The following FBXL7 variants were observed in gnomAD, a reference collection of about 807,000 sequenced individuals.
FBXL7 encodes F-box/LRR-repeat protein 7.
Under a neutral mutation model 38.3 loss-of-function variants are expected in FBXL7, and 12 were observed. The observed-to-expected ratio is 0.31, with a 90% CI of 0.20 to 0.51. The LOEUF is 0.51. FBXL7 is among the 20% of genes least tolerant of loss of function. The pLI, the probability that FBXL7 is intolerant of heterozygous loss-of-function variation, is 0.98. For missense variants in FBXL7, 567 were observed against 676.4 expected, an observed-to-expected ratio of 0.84 and a Z score of 1.79; for synonymous variants, 297 against 300.9, an observed-to-expected ratio of 0.99 and a Z score of 0.13.
intron 1 of FBXL7, among the ~76,000 whole-genome samples, chr5:15,509,001 C>A (rs1163661603): frequency 6.6e-6 from 1 of 152,176 alleles, no homozygotes; most frequent in African/African-American, 2.4e-5. Context: ...ACACGTAGAT[C>A]TACTAAACTT....
intron 3 of FBXL7, among the ~76,000 whole-genome samples, chr5:15,929,192 A>G (rs1237729244): frequency 1.3e-5 from 2 of 152,194 alleles, no homozygotes; most frequent in East Asian, 3.9e-4. Context: ...ATCACTTGCC[A>G]TTTTGTAGTG....
intron 2 of FBXL7, among the ~76,000 whole-genome samples, chr5:15,822,850 A>G (rs1484200329): frequency 6.6e-6 from 1 of 152,144 alleles, no homozygotes; most frequent in Non-Finnish European, 1.5e-5. Context: ...TAAATCACCT[A>G]GAAGGCTTGT....
intron 2 of FBXL7, among the ~76,000 whole-genome samples, chr5:15,622,670 A>G (rs1740693791): frequency 6.6e-6 from 1 of 152,126 alleles, no homozygotes; most frequent in Admixed American, 6.6e-5. Flanking sequence ...ATTTTTATAA[A>G]TACCTGTAGC....
intron 1 of FBXL7, among the ~76,000 whole-genome samples, chr5:15,596,070 A>G (rs1739617774): frequency 6.6e-6 from 1 of 152,212 alleles, no homozygotes; most frequent in Non-Finnish European, 1.5e-5. Context: ...ATGGAGACTT[A>G]CAGATATTAA....
chr5:15,865,474 T>C (rs914587238), intron 2 of FBXL7, among the ~76,000 whole-genome samples: 15 of 152,214 alleles, frequency 9.9e-5, no homozygotes, highest in South Asian at 2.1e-4. Context: ...AAGATACTTC[T>C]ATAACTTAGA....
intron 2 of FBXL7, among the ~76,000 whole-genome samples, chr5:15,773,764 G>C (rs1259316211): frequency 6.6e-6 from 1 of 152,052 alleles, no homozygotes; most frequent in Non-Finnish European, 1.5e-5. Context: ...CGTAGGGAGG[G>C]GGCATATAAA....
intron 2 of FBXL7, among the ~76,000 whole-genome samples, chr5:15,916,673 A>G (rs925454596): frequency 1.1e-4 from 16 of 152,234 alleles, no homozygotes; most frequent in Non-Finnish European, 1.6e-4. Context: ...TTAATAAACT[A>G]TGAAAAGGGG....
intron 2 of FBXL7, among the ~76,000 whole-genome samples, chr5:15,650,869 A>C (rs1382710225): frequency 8.5e-5 from 13 of 152,144 alleles, no homozygotes; most frequent in Admixed American, 1.3e-4. Flanking sequence ...CCACATCTGC[A>C]GCAACTTTCT....
chr5:15,898,807 C>T (rs2126404795), intron 2 of FBXL7, among the ~76,000 whole-genome samples: 1 of 152,308 alleles, frequency 6.6e-6, no homozygotes, highest in Middle Eastern at 3.4e-3. Flanking sequence ...TTTGCAGCGC[C>T]ATTTCCTCAG....
At chr5:15,719,930 A>G (rs1463004840) in intron 2 of FBXL7, among the ~76,000 whole-genome samples, 2 of 148,890 alleles carry the variant, frequency 1.3e-5, no homozygotes, top group African/African-American at 2.4e-5. Context: ...ATAGCCATTC[A>G]CTGACTTGTA....
chr5:15,858,220 AT>A (rs1739329217), intron 2 of FBXL7, among the ~76,000 whole-genome samples: 1 of 149,360 alleles, frequency 6.7e-6, no homozygotes, highest in African/African-American at 2.4e-5. Flanking sequence ...TACATAATAT[AT>A]ATAACATATG....
chr5:15,877,781 T>G (rs1740270927), intron 2 of FBXL7, among the ~76,000 whole-genome samples: 2 of 152,212 alleles, frequency 1.3e-5, no homozygotes, highest in South Asian at 4.1e-4. Flanking sequence ...TTTGCGGGTC[T>G]GATCACCTGT....
chr5:15,699,175 T>C (rs1331954310), intron 2 of FBXL7, among the ~76,000 whole-genome samples: 2 of 152,120 alleles, frequency 1.3e-5, no homozygotes, highest in Non-Finnish European at 2.9e-5. Flanking sequence ...CCTGTTGTGT[T>C]ATAATTGGGG....
At chr5:15,653,752 T>G (rs979111191) in intron 2 of FBXL7, among the ~76,000 whole-genome samples, 2 of 152,324 alleles carry the variant, frequency 1.3e-5, no homozygotes, top group South Asian at 4.1e-4. Context: ...TTGGCTTTAA[T>G]GGAAAAAGTT....
chr5:15,623,284 G>A (rs995460014), intron 2 of FBXL7, among the ~76,000 whole-genome samples: 1 of 152,206 alleles, frequency 6.6e-6, no homozygotes, highest in Non-Finnish European at 1.5e-5. Context: ...TTCTTCAGTA[G>A]ATTAGCTGGT....
chr5:15,612,335 T>A (rs1023543080), intron 1 of FBXL7, among the ~76,000 whole-genome samples: 3 of 152,098 alleles, frequency 2.0e-5, no homozygotes, highest in Admixed American at 6.5e-5. Context: ...TGTAAAGCAT[T>A]TATTAGAGTG....
At chr5:15,611,844 A>G (rs998388350) in intron 1 of FBXL7, among the ~76,000 whole-genome samples, 7 of 151,366 alleles carry the variant, frequency 4.6e-5, no homozygotes, top group Admixed American at 1.3e-4. Context: ...AATGCTGGGT[A>G]TGGTGGTGTG....
chr5:15,611,053 A>G (rs1335831349), intron 1 of FBXL7, among the ~76,000 whole-genome samples: 1 of 152,228 alleles, frequency 6.6e-6, no homozygotes, highest in Non-Finnish European at 1.5e-5. Context: ...CACATGTAAT[A>G]CAAGATGACA....
chr5:15,503,028 G>C (rs537994959), intron 1 of FBXL7, among the ~76,000 whole-genome samples: 1 of 152,244 alleles, frequency 6.6e-6, no homozygotes, highest in East Asian at 1.9e-4. Context: ...AATAAATATG[G>C]CTTGAGAAGT....
Sources: allele counts gnomAD v4.1 joint callset (sites outside exome capture counted in the v4.1 genomes callset), GRCh38; gene constraint gnomAD v4.1.1; transcripts MANE v1.5; gene names NCBI Gene and HGNC (gene_info 2026-07-23, HGNC 2026-07-21).